Variants in COPB2 observed in about 807,000 individuals in gnomAD.
COPB2 encodes the protein coat protein complex I subunit beta 2, also known as coatomer subunit beta'.
In COPB2, 16 loss-of-function variants were observed where a neutral mutation model predicts 120.8. That is an observed-to-expected ratio of 0.13 (90% CI 0.09 to 0.20). The LOEUF (loss-of-function observed/expected upper bound fraction) is 0.20, where lower values mean the gene tolerates loss of function less well. Among genes scored for constraint, COPB2 ranks in the 10% least tolerant of loss-of-function variants. The pLI, the probability that COPB2 is intolerant of heterozygous loss-of-function variation, is 1.00. For missense variants in COPB2, 794 were observed against 1,076.5 expected (o/e 0.74, Z 3.67); for synonymous variants, 332 against 366.3 (o/e 0.91, Z 1.07).
chr3:139,366,373 G>A (rs966934165), intron 15 of COPB2, among the ~76,000 whole-genome samples, 195 bp downstream of exon 15: 45 of 152,114 alleles, frequency 3.0e-4, no homozygotes, highest in Admixed American at 2.3e-3. Context: ...TTTAAAGGGG[G>A]CACTGAGAAA....
chr3:139,358,226 A>T lies in COPB2; in HGVS notation c.2599T>A (p.Ser867Thr), dbSNP rs1396929364. ...TTTTCTTCTTTGTTGGCTGTGTGGGAGGCCACAATAACCGGAGTAGGAGAA... is the reference window on the plus strand; with the variant it reads ...TTTTCTTCTTTGTTGGCTGTGTGGGTGGCCACAATAACCGGAGTAGGAGAA... ...PASPTPVIVASHTANKEEKSL... is the reference protein window; with the variant it reads ...PASPTPVIVATHTANKEEKSL... The change falls in exon 21 of 22, where the codon TCC (serine) becomes ACC (threonine). Residue 867 changes from serine to threonine, a missense_variant. Coordinates refer to ENST00000333188, the MANE Select transcript of COPB2 (RefSeq NM_004766.3). 1.2e-6 allele frequency: 2 copies of T among 1,614,060 alleles called. No individual in the cohort carries two copies. The highest frequency in any genetic ancestry group is 1.7e-6 in the Non-Finnish European group (2 of 1,180,034).
chr3:139,360,238 T>C (rs981824800), intron 17 of COPB2, among the ~76,000 whole-genome samples: 2 of 151,114 alleles, frequency 1.3e-5, no homozygotes, highest in African/African-American at 4.9e-5. Context: ...AAAGAATACT[T>C]TCGGGCTGGG....
At chr3:139,373,851 C>A (rs757759624) in intron 7 of COPB2, 43 bp from the exon 8 acceptor site, 1 of 1,607,778 alleles carries the variant, frequency 6.2e-7, no homozygotes. Flanking sequence ...TACAAACATC[C>A]GACAATAAAC....
chr3:139,373,115 G>C (rs1311107678), intron 9 of COPB2, 98 bp downstream of exon 9: 40 of 1,194,230 alleles, frequency 3.3e-5, no homozygotes, highest in Admixed American at 1.7e-5. Context: ...ATTGAGGAAT[G>C]ATTAGAGATG....
rs1941763548 is a variant in COPB2, at chr3:139,379,033, A to C, written c.355+14T>G. 1 of 1,565,704 alleles carries C rather than the reference A, an allele frequency of 6.4e-7. No homozygotes were observed. Among genetic ancestry groups the C allele is most frequent in the South Asian group, 1.2e-5 (1 of 82,968 alleles). ...CCAAAGAGACGCACATGACCAAAAAAGGTCATCTCTTACCACTGCTAGTTA... is the reference window on the plus strand; with the variant it reads ...CCAAAGAGACGCACATGACCAAAAACGGTCATCTCTTACCACTGCTAGTTA... On this transcript the variant is annotated intron_variant, in intron 4 of 21. Transcript: ENST00000333188.
In COPB2 at chr3:139,371,770, C is replaced by G; in HGVS notation, c.1158G>C (p.Lys386Asn). 2 of 1,613,986 alleles carry G rather than the reference C, an allele frequency of 1.2e-6. No homozygotes were observed. Among genetic ancestry groups the G allele is most frequent in the Non-Finnish European group, 1.7e-6 (2 of 1,179,926 alleles). The part of the protein sequence containing the change: ...IIYTAMALRN[K>N]SFGSAQEFAW... ...CAAACTCCTGAGCAGATCCAAAGCT[C>G]TTGTTTCTCAATGCCATTGCTGTGT... Residue 386 changes from lysine to asparagine, a missense_variant, in exon 10 of 22, where the codon AAG becomes AAC. By Grantham distance (94) the Lys-to-Asn change is moderately conservative. Around this residue, in one of 3 missense-constraint regions of COPB2, gnomAD observed 610 missense variants for 866.7 expected, o/e 0.70. Coordinates refer to ENST00000333188, the MANE Select transcript of COPB2 (RefSeq NM_004766.3).
In COPB2 at chr3:139,389,645, A is replaced by G; in HGVS notation, c.-95T>C. On this transcript the variant is annotated 5_prime_UTR_variant, in exon 1 of 22. Transcript: ENST00000333188. ...GATCCACTGACCGTCAGACTGACTG[A>G]CGTGGAACTTCCGGGAGCCGATTCT... is the stretch of plus-strand genomic sequence containing the variant. 1.5e-6 allele frequency: 2 copies of G among 1,316,316 alleles called. No homozygotes were observed. The highest frequency in any genetic ancestry group is 2.1e-6 in the Non-Finnish European group (2 of 960,976). 81.5% of individuals were successfully genotyped at this position (1,316,316 alleles called of 1,614,324 possible). A position where few individuals can be genotyped will look rare whatever the true frequency, so the allele number is the denominator to read the frequency against.
chr3:139,374,659 A>C, intron 6 of COPB2, 71 bp from the exon 7 acceptor site: 21 of 1,233,372 alleles, frequency 1.7e-5, no homozygotes, highest in South Asian at 2.6e-5. Flanking sequence ...TAATTTTCTC[A>C]GTGTACAGAT....
intron 13 of COPB2, 148 bp from the exon 14 acceptor site, chr3:139,367,293 A>ATTT: frequency 2.5e-5 from 17 of 693,688 alleles, no homozygotes; most frequent in Admixed American, 3.6e-5. Flanking sequence ...TTTCCTTGGA[A>ATTT]TTTTTTTTTT....
chr3:139,369,239 C>A (rs745643821), intron 12 of COPB2, 22 bp downstream of exon 12: 10 of 1,584,052 alleles, frequency 6.3e-6, no homozygotes, highest in African/African-American at 1.4e-5. Flanking sequence ...ATTCCAAAAA[C>A]AACAATGGAG....
At position 139,368,658 on chromosome 3, in the gene COPB2, A is replaced by G. The variant is rs145377982; in HGVS notation, c.1402-370T>C. On this transcript the variant is annotated intron_variant, in intron 12 of 21. Coordinates refer to ENST00000333188, the MANE Select transcript of COPB2 (RefSeq NM_004766.3). ...GACATTTTTCTAATCACCTCCCCCAATGAAATTTTAATACCACAGATATAC... is the reference window on the plus strand; with the variant it reads ...GACATTTTTCTAATCACCTCCCCCAGTGAAATTTTAATACCACAGATATAC... 4.5e-3 allele frequency among the ~76,000 whole-genome samples: 687 copies of G among 152,220 alleles called. 1 individual carries two copies. Among genetic ancestry groups the G allele is most frequent in the African/African-American group, 0.014 (596 of 41,536 alleles).
intron 4 of COPB2, 65 bp from the exon 5 acceptor site, chr3:139,378,254 G>A: frequency 1.4e-6 from 2 of 1,412,524 alleles, no homozygotes; most frequent in Non-Finnish European, 1.9e-6. Flanking sequence ...CTAAGACACA[G>A]TCTTTAGAAG....
At position 139,358,287 on chromosome 3, in the gene COPB2, A is replaced by AAGAT. The variant is rs369757697; in HGVS notation, c.2554-20_2554-17dup. The AAGAT allele has an allele frequency of 1.0e-3, 1,649 of 1,606,192 alleles. 24 individuals are homozygous for AAGAT. In the African/African-American group the frequency reaches 0.02, roughly 19 times the overall value. ...CATCAAGTTCCTGAAACCACAAGTG[A>AAGAT]AGATATATATGAAGACAAGGGAATT... On this transcript the variant is annotated splice_polypyrimidine_tract_variant and intron_variant, in intron 20 of 21. Transcript: ENST00000333188.
Position 139,383,374 on chromosome 3 carries a change from T to C in COPB2, c.65A>G (p.Asp22Gly). 6.2e-7 allele frequency: 1 copy of C among 1,613,874 alleles called. No homozygotes were observed. Among genetic ancestry groups the C allele is most frequent in the Non-Finnish European group, 8.5e-7 (1 of 1,179,840 alleles). The change falls in exon 2 of 22, where the codon GAT becomes GGT. Residue 22 changes from aspartate to glycine, a missense_variant. Physicochemically the swap from Asp to Gly is moderately conservative, Grantham distance 94. This residue lies in a region of COPB2 where 610 missense variants were observed against 866.7 expected (regional missense o/e 0.70). Coordinates refer to ENST00000333188, the MANE Select transcript of COPB2 (RefSeq NM_004766.3). ...TARSDRVKSV[D>G]LHPTEPWMLA... is the part of the protein sequence containing the mutation. ...CATCCATGGCTCTGTAGGATGCAGATCCACACTCTTAACTCGATCAGATCT... is the reference window on the plus strand; with the variant it reads ...CATCCATGGCTCTGTAGGATGCAGACCCACACTCTTAACTCGATCAGATCT...
intron 17 of COPB2, among the ~76,000 whole-genome samples, chr3:139,360,792 TAA>T (rs1941404574): frequency 6.6e-6 from 1 of 152,130 alleles, no homozygotes; most frequent in Admixed American, 6.5e-5. Flanking sequence ...AATCATAAAA[TAA>T]AATGCTTCCA....
chr3:139,357,659 G>C lies in COPB2; in HGVS notation c.*204C>G. On this transcript the variant is annotated 3_prime_UTR_variant, in exon 22 of 22. Coordinates refer to ENST00000333188, the MANE Select transcript of COPB2 (RefSeq NM_004766.3). Reference sequence around the variant, plus strand: ...AAAATCAAAGCCCATGTCTGTTTTAGTTAACAAGGAAAACACAGTGATTTA... The same window carrying C: ...AAAATCAAAGCCCATGTCTGTTTTACTTAACAAGGAAAACACAGTGATTTA... 2.5e-6 allele frequency: 1 copy of C among 404,380 alleles called. No individual in the cohort carries two copies. The highest frequency in any genetic ancestry group is 4.4e-6 in the Non-Finnish European group (1 of 229,156). The allele number at this position is 404,380 out of a possible 1,614,324, so 25.0% of individuals were successfully genotyped here. A position where few individuals can be genotyped will look rare whatever the true frequency, so the allele number is the denominator to read the frequency against.
intron 14 of COPB2, 34 bp downstream of exon 14, chr3:139,366,981 A>T: frequency 6.3e-7 from 1 of 1,587,658 alleles, no homozygotes; most frequent in South Asian, 1.2e-5. Context: ...CACACTTTAA[A>T]ATTTAGGACA....
chr3:139,379,087 A>C lies in COPB2; in HGVS notation c.315T>G (p.Ile105Met). The C allele has an allele frequency of 2.5e-6, 4 of 1,612,198 alleles. No homozygotes were observed. The highest frequency in any genetic ancestry group is 3.4e-6 in the Non-Finnish European group (4 of 1,179,502). ...TGAAAGGCTGGGTTGGATGAACAGCAATACAGCGAATGTAGTCTGAGTGTG... is the reference window on the plus strand; with the variant it reads ...TGAAAGGCTGGGTTGGATGAACAGCCATACAGCGAATGTAGTCTGAGTGTG... ...FEAHSDYIRC[I>M]AVHPTQPFIL... Residue 105 changes from isoleucine to methionine, a missense_variant, in exon 4 of 22, where the codon ATT becomes ATG. Ile to Met is a conservative substitution (Grantham distance 10, BLOSUM62 1). Coordinates refer to ENST00000333188, the MANE Select transcript of COPB2 (RefSeq NM_004766.3).
intron 12 of COPB2, among the ~76,000 whole-genome samples, chr3:139,369,004 T>A (rs566171476): frequency 3.2e-4 from 48 of 152,352 alleles, no homozygotes; most frequent in Non-Finnish European, 6.5e-4. Context: ...GCATGCTTTT[T>A]TCCTGTCAAA....
Sources: allele counts gnomAD v4.1 joint callset (sites outside exome capture counted in the v4.1 genomes callset), GRCh38; gene constraint gnomAD v4.1.1; regional missense constraint gnomAD v4.1.1; transcripts MANE v1.5; gene names NCBI Gene and HGNC (gene_info 2026-07-23, HGNC 2026-07-21).